The following SYNPR variants were observed in gnomAD, a reference collection of about 807,000 sequenced individuals.
SYNPR encodes the protein synaptoporin.
A neutral mutation model predicts 32.9 loss-of-function variants in SYNPR; 23 were observed. The ratio of observed to expected loss-of-function variants is 0.70; its 90% CI spans 0.50 to 0.99. The LOEUF (loss-of-function observed/expected upper bound fraction) is 0.99. SYNPR is among the 50% of genes least tolerant of loss of function. SYNPR has a pLI of 0.00. For synonymous variants in SYNPR, 146 were observed against 135.9 expected (o/e 1.07, Z -0.52); for missense variants, 318 against 349.3 (o/e 0.91, Z 0.71).
intron 2 of SYNPR, among the ~76,000 whole-genome samples, chr3:63,309,107 T>C (rs1035155125): frequency 2.8e-4 from 42 of 152,000 alleles, no homozygotes; most frequent in African/African-American, 9.9e-4. Context: ...CAATCTTTTC[T>C]TCTACACTTC....
intron 1 of SYNPR, among the ~76,000 whole-genome samples, chr3:63,240,927 C>A (rs116899287): frequency 1.3e-5 from 2 of 152,218 alleles, no homozygotes; most frequent in Admixed American, 6.5e-5. Flanking sequence ...CCATTGACCA[C>A]ACCCATGCAT....
chr3:63,227,180 T>C (rs1344406428), upstream of SYNPR, among the ~76,000 whole-genome samples: 1 of 152,202 alleles, frequency 6.6e-6, no homozygotes, highest in Non-Finnish European at 1.5e-5. Context: ...CGGGCACATA[T>C]ATCCCACAGT....
At chr3:63,593,300 A>C (rs1484668270) in intron 4 of SYNPR, among the ~76,000 whole-genome samples, 1 of 152,166 alleles carries the variant, frequency 6.6e-6, no homozygotes, top group Non-Finnish European at 1.5e-5. Context: ...ATTAGGCAGG[A>C]TCAATGGAAA....
chr3:63,507,371 A>G (rs1371329902), intron 3 of SYNPR, among the ~76,000 whole-genome samples: 1 of 136,060 alleles, frequency 7.3e-6, no homozygotes, highest in Non-Finnish European at 1.5e-5. Flanking sequence ...CCTCAATCTA[A>G]TAATGGGAAA....
chr3:63,201,208 A>G, the SYNPR span, among the ~76,000 whole-genome samples: 1 of 152,164 alleles, frequency 6.6e-6, no homozygotes. Context: ...TATAAGATAA[A>G]GAATATGTCT....
At chr3:63,245,741 A>ATGTG (rs61623224) in intron 1 of SYNPR, among the ~76,000 whole-genome samples, 175 of 86,980 alleles carry the variant, frequency 2.0e-3, no homozygotes, top group Non-Finnish European at 3.1e-3. Context: ...GTGTGTGTGT[A>ATGTG]TGTGTGTGTG....
At chr3:63,372,070 G>GT (rs1461356157) in intron 2 of SYNPR, among the ~76,000 whole-genome samples, 1 of 152,032 alleles carries the variant, frequency 6.6e-6, no homozygotes, top group Non-Finnish European at 1.5e-5. Flanking sequence ...ATATCCACAG[G>GT]TAGAGGCTCT....
intron 5 of SYNPR, among the ~76,000 whole-genome samples, chr3:63,613,192 C>T (rs1700227108): frequency 6.6e-6 from 1 of 151,344 alleles, no homozygotes; most frequent in Non-Finnish European, 1.5e-5. Context: ...CTATGTTGCC[C>T]AGGCACCTCA....
chr3:63,375,423 G>C (rs2087875080), intron 2 of SYNPR, among the ~76,000 whole-genome samples: 1 of 152,086 alleles, frequency 6.6e-6, no homozygotes, highest in Non-Finnish European at 1.5e-5. Flanking sequence ...CCTTTGCAGG[G>C]ACATGGACGA....
intron 2 of SYNPR, among the ~76,000 whole-genome samples, chr3:63,357,899 A>AT (rs2087604322): frequency 6.6e-6 from 1 of 152,168 alleles, no homozygotes; most frequent in African/African-American, 2.4e-5. Flanking sequence ...ACACAGCCAC[A>AT]TTTTTCCGGG....
intron 2 of SYNPR, among the ~76,000 whole-genome samples, chr3:63,300,427 C>A (rs557696110): frequency 6.6e-6 from 1 of 152,086 alleles, no homozygotes; most frequent in Non-Finnish European, 1.5e-5. Flanking sequence ...TGATATTCAC[C>A]AACCTGGTGC....
chr3:63,496,639 A>C (rs1211521753), intron 3 of SYNPR, among the ~76,000 whole-genome samples: 1 of 152,204 alleles, frequency 6.6e-6, no homozygotes, highest in Admixed American at 6.5e-5. Flanking sequence ...CATTCTTCCT[A>C]ATATGGAATA....
In SYNPR at chr3:63,519,661, C is replaced by T. The variant is rs570550775; in HGVS notation, c.210-36882C>T. Among the ~76,000 whole-genome samples, 28 of 152,300 alleles carry T rather than the reference C, an allele frequency of 1.8e-4. No individual in the cohort carries two copies. The South Asian group carries it at 2.5e-3, about 14-fold the overall frequency. On this transcript the variant is annotated intron_variant, in intron 3 of 5. Coordinates refer to ENST00000478300, the MANE Select transcript of SYNPR (RefSeq NM_001130003.2). ...AGATTATTTCCCAACTGCATCATAG[C>T]GGTTTTTGGTTTGTACAACCACATT...
intron 3 of SYNPR, among the ~76,000 whole-genome samples, chr3:63,494,134 G>A (rs907651115): frequency 1.3e-5 from 2 of 151,170 alleles, no homozygotes; most frequent in Non-Finnish European, 2.9e-5. Flanking sequence ...ACAAATGGAT[G>A]TTTTTATTTT....
At chr3:63,488,568 A>T (rs1335836096) in intron 3 of SYNPR, among the ~76,000 whole-genome samples, 3 of 152,206 alleles carry the variant, frequency 2.0e-5, no homozygotes, top group Non-Finnish European at 4.4e-5. Context: ...TTATTATAAA[A>T]AGGCAGTAAT....
chr3:63,519,007 T>A (rs1157249877), intron 3 of SYNPR, among the ~76,000 whole-genome samples: 3 of 152,222 alleles, frequency 2.0e-5, no homozygotes, highest in African/African-American at 7.2e-5. Flanking sequence ...TTTCTGCATC[T>A]ATTGAAATAA....
At chr3:63,229,224 T>C (rs9311860) in intron 1 of SYNPR, among the ~76,000 whole-genome samples, 80,890 of 151,924 alleles carry the variant, frequency 0.53, 21,785 homozygotes, top group Middle Eastern at 0.66. Flanking sequence ...TTTGGAAAGA[T>C]TGAAAGAGAC....
intron 3 of SYNPR, among the ~76,000 whole-genome samples, chr3:63,507,451 T>C (rs1701610852): frequency 6.6e-6 from 1 of 152,200 alleles, no homozygotes; most frequent in Non-Finnish European, 1.5e-5. Context: ...ACTCATATGT[T>C]CCGAGAAGTA....
chr3:63,584,697 G>A (rs1703152361), intron 4 of SYNPR, among the ~76,000 whole-genome samples: 1 of 152,020 alleles, frequency 6.6e-6, no homozygotes, highest in Non-Finnish European at 1.5e-5. Context: ...GTTAAAAGAG[G>A]GAAAGTAGGA....
Sources: gnomAD v4.1 joint callset for allele counts (sites outside exome capture counted in the v4.1 genomes callset) on GRCh38, gnomAD v4.1.1 for gene constraint, MANE v1.5 for transcripts, NCBI Gene and HGNC (gene_info 2026-07-23, HGNC 2026-07-21) for gene names.